DISP1: variants seen among roughly 807,000 people sequenced by gnomAD.
The protein encoded by DISP1 is protein dispatched homolog 1.
DISP1 carries 30 observed loss-of-function variants against 37.3 expected under a neutral mutation model. The observed-to-expected ratio is 0.80, with a 90% CI of 0.60 to 1.09. The LOEUF (loss-of-function observed/expected upper bound fraction) is 1.09. Ranked by LOEUF, DISP1 falls within the 50% of genes least tolerant of loss-of-function variation. The pLI is 0.00. For synonymous variants in DISP1, 634 were observed against 690.2 expected, an observed-to-expected ratio of 0.92 and a Z score of 1.28; for missense variants, 1,598 against 1,879.5, an observed-to-expected ratio of 0.85 and a Z score of 2.77.
chr1:222,929,914 C>T (rs1357828448), intron 2 of DISP1, among the ~76,000 whole-genome samples: 4 of 152,050 alleles, frequency 2.6e-5, no homozygotes, highest in African/African-American at 9.7e-5. Context: ...CTTCATATAG[C>T]TCACATCTTA....
chr1:223,000,349 G>A (rs1679347151), intron 8 of DISP1, among the ~76,000 whole-genome samples: 1 of 152,146 alleles, frequency 6.6e-6, no homozygotes, highest in South Asian at 2.1e-4. Flanking sequence ...AGGGTTTCCT[G>A]TTGTTGGGTG....
At chr1:222,874,510 C>T (rs1423200396) in intron 1 of DISP1, among the ~76,000 whole-genome samples, 1 of 152,142 alleles carries the variant, frequency 6.6e-6, no homozygotes, top group African/African-American at 2.4e-5. Flanking sequence ...TCATTCATTT[C>T]GTCTTCCATC....
chr1:222,866,643 C>T (rs1231525367), intron 1 of DISP1, among the ~76,000 whole-genome samples: 1 of 151,914 alleles, frequency 6.6e-6, no homozygotes, highest in Non-Finnish European at 1.5e-5. Context: ...GCGCCCAGCT[C>T]CTGGGATAGT....
At chr1:222,836,457 T>G (rs566583490) in intron 1 of DISP1, among the ~76,000 whole-genome samples, 1 of 152,252 alleles carries the variant, frequency 6.6e-6, no homozygotes, top group South Asian at 2.1e-4. Context: ...CAGACAAACT[T>G]TATTTTCACT....
intron 1 of DISP1, chr1:222,823,725 T>A (rs1663552302): frequency 6.6e-6 from 1 of 152,174 alleles, no homozygotes; most frequent in Non-Finnish European, 1.5e-5. Context: ...GAAGTGAAGC[T>A]TGTAAAACTA....
At chr1:222,883,439 A>C (rs75576386) in intron 1 of DISP1, among the ~76,000 whole-genome samples, 19,144 of 152,070 alleles carry the variant, frequency 0.13, 1,381 homozygotes, top group East Asian at 0.31. Context: ...CCAACATGGT[A>C]AAACCGCGTC....
intron 3 of DISP1, among the ~76,000 whole-genome samples, chr1:222,963,316 T>C (rs1279071148): frequency 6.6e-6 from 1 of 152,208 alleles, no homozygotes; most frequent in African/African-American, 2.4e-5. Context: ...CACTTTACAC[T>C]GTTGGTGGGA....
intron 4 of DISP1, among the ~76,000 whole-genome samples, chr1:222,983,926 G>A (rs1678028093): frequency 2.0e-5 from 3 of 152,090 alleles, no homozygotes; most frequent in Non-Finnish European, 4.4e-5. Context: ...CAGATACAAT[G>A]TCATTACACT....
At chr1:222,827,277 A>G (rs1300271411) in intron 1 of DISP1, 1 of 152,228 alleles carries the variant, frequency 6.6e-6, no homozygotes, top group Non-Finnish European at 1.5e-5. Flanking sequence ...GTAAATGTAC[A>G]GATGGTGGAA....
chr1:222,832,135 G>A (rs1665912894), intron 1 of DISP1, among the ~76,000 whole-genome samples: 1 of 152,032 alleles, frequency 6.6e-6, no homozygotes, highest in South Asian at 2.1e-4. Flanking sequence ...CAAAAAAAAT[G>A]TGGTGGGCGC....
intron 1 of DISP1, among the ~76,000 whole-genome samples, chr1:222,845,469 T>C (rs1667847591): frequency 6.6e-6 from 1 of 152,200 alleles, no homozygotes; most frequent in South Asian, 2.1e-4. Flanking sequence ...TTGACTTAGG[T>C]ACTTTTTCCA....
chr1:222,852,612 T>C (rs1465954250), intron 1 of DISP1, among the ~76,000 whole-genome samples: 1 of 152,256 alleles, frequency 6.6e-6, no homozygotes, highest in Admixed American at 6.5e-5. Context: ...TAAGTCATTC[T>C]TTACACATCT....
chr1:223,002,889 G>A lies in DISP1; in HGVS notation c.1492G>A (p.Asp498Asn). Residue 498 changes from aspartate (D) to asparagine (N), a missense_variant, in exon 9 of 9, where the codon GAT becomes AAT. By Grantham distance (23) the Asp-to-Asn change is conservative (BLOSUM62 1). Transcript: ENST00000675850. Reference sequence around the variant, plus strand: ...TGGTATCAAACACAGTTTGTTTCAGGATTATCTTCTAATGGATACTGTGTA... The same window carrying A: ...TGGTATCAAACACAGTTTGTTTCAGAATTATCTTCTAATGGATACTGTGTA... ...EFGIKHSLFQDYLLMDTVYPA... is the reference protein window; with the variant it reads ...EFGIKHSLFQNYLLMDTVYPA... 1 of 1,613,854 alleles carries A rather than the reference G, an allele frequency of 6.2e-7. No individual in the cohort carries two copies.
rs33948431 is a variant in DISP1 at position 222,938,733 on chromosome 1, TAAAAAAA to T, written c.-17-4051_-17-4045del. Among the ~76,000 whole-genome samples the T allele has an allele frequency of 2.0e-3, 114 of 57,614 alleles. 1 individual carries two copies. Among genetic ancestry groups the T allele is most frequent in the African/African-American group, 7.6e-3 (105 of 13,834 alleles). 37.8% of individuals were successfully genotyped at this position (57,614 alleles called of 152,430 possible). ...GGGTGACAGAGCAAGACCCTGTCTT[TAAAAAAA>T]AAAAAAAAAAAAAAAAAAAAAAGGA... On this transcript the variant is annotated intron_variant, in intron 2 of 8. Coordinates refer to ENST00000675850, the MANE Select transcript of DISP1 (RefSeq NM_001377229.1).
At chr1:222,961,088 A>G (rs1464722940) in intron 3 of DISP1, among the ~76,000 whole-genome samples, 1 of 152,060 alleles carries the variant, frequency 6.6e-6, no homozygotes, top group Non-Finnish European at 1.5e-5. Flanking sequence ...AAACAACAGA[A>G]AAAGAGGGAT....
intron 1 of DISP1, among the ~76,000 whole-genome samples, chr1:222,852,930 G>A (rs1272666386): frequency 6.6e-6 from 1 of 152,072 alleles, no homozygotes; most frequent in Non-Finnish European, 1.5e-5. Flanking sequence ...AGTGAGTAGT[G>A]GGTATTTGAG....
intron 1 of DISP1, among the ~76,000 whole-genome samples, chr1:222,917,908 G>T (rs1393648316): frequency 6.6e-6 from 1 of 152,108 alleles, no homozygotes; most frequent in Non-Finnish European, 1.5e-5. Context: ...GACTAAAGTG[G>T]GAAAATGTCA....
intron 3 of DISP1, among the ~76,000 whole-genome samples, chr1:222,970,251 G>A (rs1040437119): frequency 9.9e-5 from 15 of 152,036 alleles, no homozygotes; most frequent in East Asian, 1.9e-4. Flanking sequence ...AGTGTCACCC[G>A]TTCATCAATC....
At chr1:222,959,802 G>GA (rs529076766) in intron 3 of DISP1, among the ~76,000 whole-genome samples, 94 of 120,986 alleles carry the variant, frequency 7.8e-4, no homozygotes, top group Non-Finnish European at 1.1e-3. Context: ...AAATGGGGAA[G>GA]AAAAAAAAAA....
Sources: allele counts gnomAD v4.1 joint callset (sites outside exome capture counted in the v4.1 genomes callset), GRCh38; gene constraint gnomAD v4.1.1; transcripts MANE v1.5; gene names NCBI Gene and HGNC (gene_info 2026-07-23, HGNC 2026-07-21).